SH3RF1: variants seen among roughly 807,000 people sequenced by gnomAD.
SH3RF1 encodes the protein E3 ubiquitin-protein ligase SH3RF1.
In SH3RF1, 32 loss-of-function variants were observed where a neutral mutation model predicts 74.0. That is an observed-to-expected ratio of 0.43 (90% confidence interval 0.33 to 0.58). The LOEUF is 0.58. SH3RF1 is among the 20% of genes least tolerant of loss of function. SH3RF1 has a pLI of 0.05. For missense variants in SH3RF1, 954 were observed against 1,130.9 expected (o/e 0.84, Z 2.24); for synonymous variants, 396 against 439.6 (o/e 0.90, Z 1.24).
At chr4:169,155,750 C>T (rs1734040442) in intron 3 of SH3RF1, among the ~76,000 whole-genome samples, 175 bp from the exon 4 acceptor site, 1 of 152,190 alleles carries the variant, frequency 6.6e-6, no homozygotes, top group South Asian at 2.1e-4. Context: ...ACGGTAGCTA[C>T]CAGCCCACCT....
intron 2 of SH3RF1, among the ~76,000 whole-genome samples, chr4:169,180,927 G>A (rs1358387925): frequency 2.6e-5 from 4 of 152,088 alleles, no homozygotes; most frequent in Non-Finnish European, 5.9e-5. Flanking sequence ...AGCACTAGCC[G>A]GACGAAGGGT....
chr4:169,143,995 C>G lies in SH3RF1; in HGVS notation c.766-7375G>C, dbSNP rs930659903. 2.0e-5 allele frequency among the ~76,000 whole-genome samples: 3 copies of G among 152,166 alleles called. No individual in the cohort carries two copies. The East Asian group carries it at 5.8e-4, about 29-fold the overall frequency. On this transcript the variant is annotated intron_variant, in intron 4 of 11. Coordinates refer to ENST00000284637, the MANE Select transcript of SH3RF1 (RefSeq NM_020870.4). ...CACAGGAAAAGCCCTGAACTTCACA[C>G]CGAAAGGTTTAGGTTAGAGTTAGGT...
intron 2 of SH3RF1, among the ~76,000 whole-genome samples, chr4:169,204,808 C>T (rs1338707138): frequency 6.6e-6 from 1 of 152,128 alleles, no homozygotes; most frequent in Admixed American, 6.6e-5. Context: ...CTCGGCCTCC[C>T]AAAGCATTGG....
chr4:169,239,517 A>G (rs1038852343), intron 2 of SH3RF1, among the ~76,000 whole-genome samples: 2 of 152,162 alleles, frequency 1.3e-5, no homozygotes, highest in African/African-American at 4.8e-5. Flanking sequence ...TAACTGTTCA[A>G]AGTTAACTTT....
At chr4:169,116,868 T>C (rs1307674662) in intron 9 of SH3RF1, among the ~76,000 whole-genome samples, 2 of 152,204 alleles carry the variant, frequency 1.3e-5, no homozygotes, top group African/African-American at 4.8e-5. Context: ...AGCTCAGTTT[T>C]GACCCAAGTC....
chr4:169,115,296 C>A (rs1038624857), intron 10 of SH3RF1, among the ~76,000 whole-genome samples: 1 of 152,178 alleles, frequency 6.6e-6, no homozygotes, highest in African/African-American at 2.4e-5. Context: ...CTGTGAGGAA[C>A]CAGGCCGCAC....
chr4:169,096,748 A>G, intron 11 of SH3RF1, 61 bp from the exon 12 acceptor site: 1 of 1,496,056 alleles, frequency 6.7e-7, no homozygotes, highest in Non-Finnish European at 9.1e-7. Flanking sequence ...AAAATGGTGT[A>G]CTGTTAGTCT....
chr4:169,114,684 T>A (rs951150010), intron 10 of SH3RF1, among the ~76,000 whole-genome samples: 2 of 152,222 alleles, frequency 1.3e-5, no homozygotes, highest in African/African-American at 4.8e-5. Context: ...ATAAATATAT[T>A]AACAAAGTTG....
chr4:169,113,201 C>T (rs2126941267), intron 10 of SH3RF1, among the ~76,000 whole-genome samples: 1 of 151,554 alleles, frequency 6.6e-6, no homozygotes, highest in Admixed American at 6.6e-5. Context: ...ACCTCCGACT[C>T]CCTGGTTCAA....
chr4:169,269,162 C>T lies in SH3RF1; in HGVS notation c.51G>A (p.Glu17=). The part of the protein sequence containing the change: ...LDLLECPVCL[E]RLDASAKVLP... ...AGACCTTCGCAGAAGCATCAAGGCGCTCTAGACACACCGGACACTCCAAAA... is the reference window on the plus strand; with the variant it reads ...AGACCTTCGCAGAAGCATCAAGGCGTTCTAGACACACCGGACACTCCAAAA... The change falls in exon 2 of 12, where the codon GAG becomes GAA. Residue 17 remains glutamate (E), a synonymous_variant. Coordinates refer to ENST00000284637, the MANE Select transcript of SH3RF1 (RefSeq NM_020870.4). 1 of 1,610,308 alleles carries T rather than the reference C, an allele frequency of 6.2e-7. No homozygotes were observed.
rs528591509 is a variant in SH3RF1 at position 169,220,659 on chromosome 4, TTCAC to T, written c.393+48157_393+48160del. Among the ~76,000 whole-genome samples the T allele has an allele frequency of 7.4e-3, 1,129 of 152,290 alleles. 5 individuals are homozygous for T. The highest frequency in any genetic ancestry group is 0.012 in the Non-Finnish European group (830 of 68,024). Reference sequence around the variant, plus strand: ...GCACCCAGCTCCAATGGGATTAGCTTTCACTGTACTGGATTCCTCTGTCAAACAA... The same window carrying T: ...GCACCCAGCTCCAATGGGATTAGCTTTGTACTGGATTCCTCTGTCAAACAA... On this transcript the variant is annotated intron_variant, in intron 2 of 11. Coordinates refer to ENST00000284637, the MANE Select transcript of SH3RF1 (RefSeq NM_020870.4).
At chr4:169,130,185 G>T (rs1733590595) in intron 5 of SH3RF1, 29 bp from the exon 6 acceptor site, 8 of 1,448,818 alleles carry the variant, frequency 5.5e-6, no homozygotes, top group Non-Finnish European at 7.4e-6. Flanking sequence ...TTATTAAAAA[G>T]AAGACTATGT....
At chr4:169,136,201 T>C in intron 5 of SH3RF1, 117 bp downstream of exon 5, 1 of 1,131,418 alleles carries the variant, frequency 8.8e-7, no homozygotes, top group South Asian at 2.9e-5. Context: ...CCCAGAAAAG[T>C]TACTATCTTC....
At chr4:169,189,533 A>G (rs1403655008) in intron 2 of SH3RF1, among the ~76,000 whole-genome samples, 2 of 152,090 alleles carry the variant, frequency 1.3e-5, no homozygotes, top group African/African-American at 2.4e-5. Context: ...TCTCCCCAGG[A>G]CTCCTCTACA....
chr4:169,216,118 T>C (rs1730458286), intron 2 of SH3RF1, among the ~76,000 whole-genome samples: 1 of 152,170 alleles, frequency 6.6e-6, no homozygotes, highest in Non-Finnish European at 1.5e-5. Context: ...AGTCAGGTAA[T>C]GTAGTATCTG....
rs139583134 is a variant in SH3RF1, at chr4:169,121,454, C to T, written c.1347-465G>A. Among the ~76,000 whole-genome samples, 69 of 152,314 alleles carry T rather than the reference C, an allele frequency of 4.5e-4. 1 individual carries two copies. Among genetic ancestry groups the T allele is most frequent in the Non-Finnish European group, 5.1e-4 (35 of 68,028 alleles). ...AAGCTGAACCTAGAGGCTTGAGCTA[C>T]ACCTGCTTTTTATGCTCAGTTCTAG... is the stretch of plus-strand genomic sequence containing the variant. On this transcript the variant is annotated intron_variant, in intron 7 of 11. Transcript: ENST00000284637.
chr4:169,106,980 C>G lies in SH3RF1; in HGVS notation c.2365G>C (p.Ala789Pro). 6.2e-7 allele frequency: 1 copy of G among 1,613,874 alleles called. No individual in the cohort carries two copies. Among genetic ancestry groups the G allele is most frequent in the Non-Finnish European group, 8.5e-7 (1 of 1,179,988 alleles). The change falls in exon 11 of 12, where the codon GCC becomes CCC. Residue 789 changes from alanine (A) to proline (P), a missense_variant. By Grantham distance (27) the Ala-to-Pro change is conservative. Around this residue, in one of 3 missense-constraint regions of SH3RF1, gnomAD observed 854 missense variants for 962.5 expected, o/e 0.89. Transcript: ENST00000284637. ...CTATGAAAAGCATCCTGGGCCAGGG[C>G]TGCTCCTGCCACTGCAGTCGTGACC... ...GPVTTAVAGA[A>P]LAQDAFHRKA...
intron 5 of SH3RF1, among the ~76,000 whole-genome samples, chr4:169,131,836 G>A (rs1161417873): frequency 2.6e-5 from 4 of 152,182 alleles, no homozygotes; most frequent in African/African-American, 9.7e-5. Context: ...TTGATTGTGG[G>A]CCAAGTCTTT....
At position 169,237,369 on chromosome 4, in the gene SH3RF1, G is replaced by A. The variant is rs775195119; in HGVS notation, c.393+31451C>T. ...TTAAAGCTGATTTCAGGCTGGACAC[G>A]ATGGCTCATGCCTGTAATCACAACA... On this transcript the variant is annotated intron_variant, in intron 2 of 11. Coordinates refer to ENST00000284637, the MANE Select transcript of SH3RF1 (RefSeq NM_020870.4). Among the ~76,000 whole-genome samples, 11 of 152,308 alleles carry A rather than the reference G, an allele frequency of 7.2e-5. No individual in the cohort carries two copies. The East Asian group carries it at 7.7e-4, about 11-fold the overall frequency.
Sources: allele counts gnomAD v4.1 joint callset (sites outside exome capture counted in the v4.1 genomes callset), GRCh38; gene constraint gnomAD v4.1.1; regional missense constraint gnomAD v4.1.1; transcripts MANE v1.5; gene names NCBI Gene and HGNC (gene_info 2026-07-23, HGNC 2026-07-21).